ULK4: variants seen among roughly 807,000 people sequenced by gnomAD.
ULK4 encodes the protein inactive serine/threonine-protein kinase ULK4.
ULK4 carries 133 observed loss-of-function variants against 160.6 expected under a neutral mutation model. That is an observed-to-expected ratio of 0.83 (90% CI 0.72 to 0.96). The LOEUF (loss-of-function observed/expected upper bound fraction) is 0.96, where lower values mean the gene tolerates loss of function less well. Among genes scored for constraint, ULK4 ranks in the 40% least tolerant of loss-of-function variants. ULK4 has a pLI of 0.00. For synonymous variants in ULK4, 534 were observed against 539.8 expected (o/e 0.99, Z 0.15); for missense variants, 1,580 against 1,499.5 (o/e 1.05, Z -0.89).
chr3:41,880,024 G>A (rs1697454361), intron 17 of ULK4, among the ~76,000 whole-genome samples: 1 of 152,138 alleles, frequency 6.6e-6, no homozygotes, highest in Non-Finnish European at 1.5e-5. Context: ...GGAGGCTGAG[G>A]CAGGAGAATC....
chr3:41,527,913 TGAG>T, intron 32 of ULK4, among the ~76,000 whole-genome samples: 1 of 152,174 alleles, frequency 6.6e-6, no homozygotes. Context: ...TTAAAGAAGA[TGAG>T]AAGATAAAAT....
intron 32 of ULK4, among the ~76,000 whole-genome samples, chr3:41,565,345 AT>A (rs777779490): frequency 3.9e-5 from 6 of 152,176 alleles, no homozygotes; most frequent in African/African-American, 7.2e-5. Context: ...ATCTGTTTTT[AT>A]TTTGATTGGC....
intron 34 of ULK4, among the ~76,000 whole-genome samples, chr3:41,440,490 G>A (rs1441672752): frequency 6.6e-6 from 1 of 152,076 alleles, no homozygotes; most frequent in Non-Finnish European, 1.5e-5. Flanking sequence ...AACCAATCCT[G>A]CATTACTGGG....
rs1000221009 is a variant in ULK4, at chr3:41,369,650, C to T, written c.3678+28429G>A. Among the ~76,000 whole-genome samples the T allele has an allele frequency of 2.0e-5, 3 of 151,766 alleles. No individual in the cohort carries two copies. The East Asian group carries it at 5.8e-4, about 29-fold the overall frequency. On this transcript the variant is annotated intron_variant, in intron 35 of 36. Transcript: ENST00000301831. The stretch of plus-strand genomic sequence containing the variant: ...TCTACTAAAAAAATACAAAAATTAG[C>T]CAGGATGGTGGTGGCCGCCTGTAAT...
At chr3:41,920,429 G>C (rs1455536902) in intron 5 of ULK4, among the ~76,000 whole-genome samples, 1 of 152,186 alleles carries the variant, frequency 6.6e-6, no homozygotes, top group Admixed American at 6.5e-5. Context: ...GCCCCATTGT[G>C]TGCCCCATAT....
At chr3:41,590,427 C>A (rs1392348468) in intron 31 of ULK4, among the ~76,000 whole-genome samples, 3 of 126,764 alleles carry the variant, frequency 2.4e-5, no homozygotes, top group Non-Finnish European at 4.7e-5. Flanking sequence ...AGTAGCCTGA[C>A]CAATATGGTA....
intron 1 of ULK4, among the ~76,000 whole-genome samples, chr3:41,956,906 A>T (rs1700502739): frequency 2.0e-5 from 3 of 152,162 alleles, no homozygotes; most frequent in African/African-American, 7.2e-5. Context: ...TTGTCCCTTT[A>T]TTTAAAAAAG....
rs79452815 is a variant in ULK4 at position 41,889,276 on chromosome 3, T to C, written c.1578-5324A>G. Among the ~76,000 whole-genome samples the C allele has an allele frequency of 3.3e-3, 499 of 152,258 alleles. 4 individuals are homozygous for C. The highest frequency in any genetic ancestry group is 0.017 in the South Asian group (84 of 4,824). ...AAGAAGAGAATTTTTATAATCCTAA[T>C]ATTTATCTCAAATTCAGAAGTATAT... On this transcript the variant is annotated intron_variant, in intron 16 of 36. Coordinates refer to ENST00000301831, the MANE Select transcript of ULK4 (RefSeq NM_017886.4).
intron 35 of ULK4, among the ~76,000 whole-genome samples, chr3:41,349,054 T>G (rs574278953): frequency 1.3e-5 from 2 of 152,214 alleles, no homozygotes; most frequent in South Asian, 4.2e-4. Context: ...AGAAATGGGG[T>G]TGGTGAAGCC....
chr3:41,424,254 G>A (rs1398918787), intron 34 of ULK4, among the ~76,000 whole-genome samples: 1 of 152,136 alleles, frequency 6.6e-6, no homozygotes, highest in Non-Finnish European at 1.5e-5. Context: ...GGGGTTTGGG[G>A]ACAAAACCCT....
intron 30 of ULK4, among the ~76,000 whole-genome samples, chr3:41,639,000 C>T (rs17059813): frequency 0.062 from 9,370 of 152,134 alleles, 972 homozygotes; most frequent in African/African-American, 0.21. Context: ...CAAAAGAAAG[C>T]GTAAATATTA....
intron 34 of ULK4, among the ~76,000 whole-genome samples, chr3:41,433,552 G>A (rs1362836812): frequency 1.3e-5 from 2 of 152,106 alleles, no homozygotes; most frequent in Non-Finnish European, 2.9e-5. Context: ...CTCTTTGCCA[G>A]AAAAATGTAC....
intron 17 of ULK4, among the ~76,000 whole-genome samples, chr3:41,848,272 T>C (rs1204932565): frequency 7.8e-6 from 1 of 128,538 alleles, no homozygotes; most frequent in Non-Finnish European, 1.5e-5. Flanking sequence ...AGATTTCTCA[T>C]ACAGTCTTTC....
intron 32 of ULK4, among the ~76,000 whole-genome samples, chr3:41,496,252 C>T (rs1223283523): frequency 1.3e-5 from 2 of 151,974 alleles, no homozygotes; most frequent in Admixed American, 1.3e-4. Context: ...AAATTGGAAA[C>T]ACAATAAGGA....
intron 33 of ULK4, among the ~76,000 whole-genome samples, chr3:41,462,195 G>A (rs1405018290): frequency 3.3e-5 from 5 of 152,172 alleles, no homozygotes; most frequent in Non-Finnish European, 7.3e-5. Context: ...TTATCATAAT[G>A]ATGAATAACA....
chr3:41,473,927 CT>C (rs1196908126), intron 32 of ULK4, among the ~76,000 whole-genome samples: 3 of 152,056 alleles, frequency 2.0e-5, no homozygotes, highest in East Asian at 3.9e-4. Flanking sequence ...CTAAAGCAAT[CT>C]ACAGATTCAA....
intron 30 of ULK4, among the ~76,000 whole-genome samples, chr3:41,616,327 A>G (rs1193118888): frequency 2.6e-5 from 4 of 152,288 alleles, no homozygotes; most frequent in South Asian, 2.1e-4. Context: ...ATTAAGAACA[A>G]TATTTGTGAC....
At chr3:41,857,222 G>A (rs79092135) in intron 17 of ULK4, among the ~76,000 whole-genome samples, 1 of 151,888 alleles carries the variant, frequency 6.6e-6, no homozygotes, top group Non-Finnish European at 1.5e-5. Context: ...TTCCCTAGAG[G>A]GCCAGCTTTC....
At chr3:41,497,929 A>G (rs560516499) in intron 32 of ULK4, among the ~76,000 whole-genome samples, 2 of 152,168 alleles carry the variant, frequency 1.3e-5, no homozygotes, top group Non-Finnish European at 2.9e-5. Flanking sequence ...TGATATAACT[A>G]ATTAGATAGA....
Sources: gnomAD v4.1 joint callset for allele counts (sites outside exome capture counted in the v4.1 genomes callset) on GRCh38, gnomAD v4.1.1 for gene constraint, MANE v1.5 for transcripts, NCBI Gene and HGNC (gene_info 2026-07-23, HGNC 2026-07-21) for gene names.